The following BDP1 variants were observed in gnomAD, a reference collection of about 807,000 sequenced individuals.
The protein encoded by BDP1 is transcription factor TFIIIB component B'' homolog.
BDP1 carries 169 observed loss-of-function variants against 266.6 expected under a neutral mutation model. The ratio of observed to expected loss-of-function variants is 0.63; its 90% CI spans 0.56 to 0.72. The LOEUF (loss-of-function observed/expected upper bound fraction) is 0.72, where lower values mean the gene tolerates loss of function less well. Among genes scored for constraint, BDP1 ranks in the 30% least tolerant of loss-of-function variants. The probability of loss-of-function intolerance (pLI) is 0.00; values close to 1 mark genes in which losing one functional copy is unlikely to be tolerated. For synonymous variants in BDP1, 1,090 were observed against 1,022.4 expected (o/e 1.07, Z -1.26); for missense variants, 3,015 against 3,053.8 (o/e 0.99, Z 0.30).
Position 71,562,273 on chromosome 5 carries a change from G to T in BDP1, c.7497-1G>T. On this transcript the variant is annotated splice_acceptor_variant, in intron 37 of 38. Transcript: ENST00000358731. LOFTEE classifies it high-confidence loss of function. ...GAATATCGTTACATTTGTATTTCTA[G>T]ACCTGGCAGAAGACCCCTGGGATTT... The T allele has an allele frequency of 1.3e-6, 2 of 1,545,048 alleles. No homozygotes were observed. Among genetic ancestry groups the T allele is most frequent in the South Asian group, 2.3e-5 (2 of 86,928 alleles).
In BDP1 at chr5:71,491,125, CATT is replaced by C. The variant is rs959229292; in HGVS notation, c.1636_1638del (p.Leu546del). ...GAGAAAAGAACTGACCCCATCCTTT[CATT>C]AAGGTATTTTCTGTGTCTTTTCTGG... On this transcript the variant is annotated inframe_deletion, in exon 11 of 39. Coordinates refer to ENST00000358731, the MANE Select transcript of BDP1 (RefSeq NM_018429.3). 27 of 1,613,342 alleles carry C rather than the reference CATT, an allele frequency of 1.7e-5. No homozygotes were observed. The African/African-American group carries it at 3.5e-4, about 21-fold the overall frequency.
chr5:71,513,074 A>G (rs1390630511), intron 18 of BDP1, 111 bp from the exon 19 acceptor site: 1 of 689,210 alleles, frequency 1.5e-6, no homozygotes, highest in Non-Finnish European at 2.3e-6. Context: ...AAAAAAAAAA[A>G]AAAAAAAAAA....
At chr5:71,489,938 A>G (rs1353799277) in intron 10 of BDP1, among the ~76,000 whole-genome samples, 1 of 152,240 alleles carries the variant, frequency 6.6e-6, no homozygotes, top group Non-Finnish European at 1.5e-5. Context: ...ATTCCCATTA[A>G]CTATGATTAG....
chr5:71,567,400 C>T lies in BDP1; in HGVS notation c.*2515C>T, dbSNP rs1255851786. 1.2e-4 allele frequency: 19 copies of T among 152,104 alleles called. 1 individual carries two copies. The highest frequency in any genetic ancestry group is 2.6e-4 in the Non-Finnish European group (18 of 68,010). 9.4% of individuals were successfully genotyped at this position (152,104 alleles called of 1,614,324 possible). A position where few individuals can be genotyped will look rare whatever the true frequency, so the allele number is the denominator to read the frequency against. The stretch of plus-strand genomic sequence containing the variant: ...GTATCCTACTGTTAAATCCTTAAAC[C>T]TAATTTTGGAAAAGAGAAAGTTAAT... On this transcript the variant is annotated 3_prime_UTR_variant, in exon 39 of 39. Transcript: ENST00000358731.
At chr5:71,471,995 A>G (rs1332384193) in intron 7 of BDP1, among the ~76,000 whole-genome samples, 2 of 152,370 alleles carry the variant, frequency 1.3e-5, no homozygotes, top group African/African-American at 4.8e-5. Flanking sequence ...ATAAAAGAAC[A>G]AAATGTTAAA....
At chr5:71,466,311 T>G (rs1203984515) in intron 5 of BDP1, 90 bp downstream of exon 5, 4 of 1,406,606 alleles carry the variant, frequency 2.8e-6, no homozygotes, top group Admixed American at 3.9e-5. Context: ...TGTATTGGCC[T>G]TTGTCACTTA....
intron 25 of BDP1, among the ~76,000 whole-genome samples, chr5:71,526,685 GTT>G (rs35962090): frequency 1.9e-4 from 23 of 118,898 alleles, no homozygotes; most frequent in Non-Finnish European, 2.8e-4. Context: ...CTCTCTCTCT[GTT>G]TTTTTTTTTT....
intron 18 of BDP1, 76 bp from the exon 19 acceptor site, chr5:71,513,109 T>A: frequency 1.1e-6 from 1 of 903,102 alleles, no homozygotes. Flanking sequence ...ACCGCCAGTC[T>A]CTAAGGTTGT....
intron 13 of BDP1, among the ~76,000 whole-genome samples, chr5:71,499,136 G>A (rs1038765639): frequency 5.9e-5 from 9 of 152,094 alleles, no homozygotes; most frequent in African/African-American, 1.7e-4. Flanking sequence ...GTCTCGCCCT[G>A]TCGCCCAGGC....
At chr5:71,545,294 A>G (rs906805939) in intron 32 of BDP1, 75 bp downstream of exon 32, 8 of 1,318,248 alleles carry the variant, frequency 6.1e-6, no homozygotes, top group South Asian at 3.9e-5. Context: ...TATAATTTAC[A>G]TACAATAAAC....
At chr5:71,547,333 T>C (rs1742405920) in intron 32 of BDP1, among the ~76,000 whole-genome samples, 1 of 152,224 alleles carries the variant, frequency 6.6e-6, no homozygotes, top group African/African-American at 2.4e-5. Flanking sequence ...GGATTTCTTT[T>C]TTTTAATTGC....
At chr5:71,527,820 C>CTT (rs375443211) in intron 25 of BDP1, among the ~76,000 whole-genome samples, 15 of 140,046 alleles carry the variant, frequency 1.1e-4, no homozygotes, top group Admixed American at 2.1e-4. Context: ...TCTTTTAATT[C>CTT]TTTTTTTTTT....
intron 28 of BDP1, among the ~76,000 whole-genome samples, chr5:71,540,158 T>C (rs566631741): frequency 3.3e-5 from 5 of 152,328 alleles, no homozygotes; most frequent in Non-Finnish European, 7.4e-5. Context: ...TTTTAACTTA[T>C]TAGATGGAAA....
At position 71,532,341 on chromosome 5, in the gene BDP1, T is replaced by C. The variant is rs1766295993; in HGVS notation, c.5806T>C (p.Cys1936Arg). Residue 1936 changes from cysteine (C) to arginine (R), a missense_variant, in exon 26 of 39, where the codon TGC becomes CGC. By Grantham distance (180) the Cys-to-Arg change is radical. Coordinates refer to ENST00000358731, the MANE Select transcript of BDP1 (RefSeq NM_018429.3). ...EITVNVPDVG[C>R]IAVVEHELPN... ...AACTGTGAATGTCCCAGATGTAGGA[T>C]GCATAGCTGTTGTTGAACATGAGCT... is the stretch of plus-strand genomic sequence containing the variant. 2 of 1,613,578 alleles carry C rather than the reference T, an allele frequency of 1.2e-6. No homozygotes were observed. The highest frequency in any genetic ancestry group is 1.7e-6 in the Non-Finnish European group (2 of 1,179,626).
In BDP1 at chr5:71,553,330, A is replaced by T; in HGVS notation, c.7200+10A>T. 1.2e-6 allele frequency: 2 copies of T among 1,600,596 alleles called. No individual in the cohort carries two copies. The highest frequency in any genetic ancestry group is 2.2e-5 in the South Asian group (2 of 90,684). On this transcript the variant is annotated intron_variant, in intron 35 of 38. Transcript: ENST00000358731. ...AGAATATACCACTGAGGTAAGTGGT[A>T]TATTAAGTACCACTCAATATGGCCA...
chr5:71,504,542 T>TA (rs1196596549), intron 15 of BDP1, 79 bp from the exon 16 acceptor site: 1 of 1,300,830 alleles, frequency 7.7e-7, no homozygotes, highest in African/African-American at 1.5e-5. Flanking sequence ...ATTTTATACT[T>TA]AAATTGGACA....
rs898911567 is a variant in BDP1 at position 71,566,274 on chromosome 5, C to T, written c.*1389C>T. The stretch of plus-strand genomic sequence containing the variant: ...TTAGTTTTTAAAAAGCCAATTTCTT[C>T]ATAGTTTTTTCCCATTAAATTCTCA... On this transcript the variant is annotated 3_prime_UTR_variant, in exon 39 of 39. Coordinates refer to ENST00000358731, the MANE Select transcript of BDP1 (RefSeq NM_018429.3). 2 of 152,574 alleles carry T rather than the reference C, an allele frequency of 1.3e-5. No individual in the cohort carries two copies. Among genetic ancestry groups the T allele is most frequent in the African/African-American group, 2.4e-5 (1 of 41,432 alleles). The allele number at this position is 152,574 out of a possible 1,614,324, so 9.5% of individuals were successfully genotyped here.
downstream of BDP1, among the ~76,000 whole-genome samples, chr5:71,572,624 T>G (rs1744305676): frequency 6.6e-6 from 1 of 152,208 alleles, no homozygotes; most frequent in Admixed American, 6.5e-5. Flanking sequence ...GTGCAGTTGC[T>G]TAAAGTTTCG....
rs567133862 is a variant in BDP1, at chr5:71,512,235, C to T, written c.4060-6C>T. The T allele has an allele frequency of 8.3e-6, 12 of 1,439,012 alleles. No individual in the cohort carries two copies. The highest frequency in any genetic ancestry group is 2.9e-5 in the African/African-American group (2 of 69,554). The allele number at this position is 1,439,012 out of a possible 1,614,324, so 89.1% of individuals were successfully genotyped here. ...TTGTGCTGATTTACTATGACTGTTCCTCTAGAACATTAGCAGTGAAGTACT... is the reference window on the plus strand; with the variant it reads ...TTGTGCTGATTTACTATGACTGTTCTTCTAGAACATTAGCAGTGAAGTACT... On this transcript the variant is annotated splice_polypyrimidine_tract_variant and splice_region_variant and intron_variant, in intron 17 of 38. Coordinates refer to ENST00000358731, the MANE Select transcript of BDP1 (RefSeq NM_018429.3).
Sources: gnomAD v4.1 joint callset for allele counts (sites outside exome capture counted in the v4.1 genomes callset) on GRCh38, gnomAD v4.1.1 for gene constraint, MANE v1.5 for transcripts, NCBI Gene and HGNC (gene_info 2026-07-23, HGNC 2026-07-21) for gene names.